Variants in CCDC170 observed in about 807,000 individuals in gnomAD.
CCDC170 encodes coiled-coil domain containing 170.
CCDC170 carries 69 observed loss-of-function variants against 72.6 expected under a neutral mutation model. That is an observed-to-expected ratio of 0.95 (90% confidence interval 0.78 to 1.16). CCDC170 has a LOEUF of 1.16. Ranked by LOEUF, CCDC170 falls within the 50% of genes most tolerant of loss-of-function variation. The pLI is 0.00. For missense variants in CCDC170, 852 were observed against 832.5 expected (o/e 1.02, Z -0.29); for synonymous variants, 300 against 303.9 (o/e 0.99, Z 0.13).
At chr6:151,553,409 A>G (rs78258746) in intron 5 of CCDC170, among the ~76,000 whole-genome samples, 12,558 of 152,240 alleles carry the variant, frequency 0.082, 588 homozygotes, top group Non-Finnish European at 0.11. Flanking sequence ...AAATAGCCAT[A>G]CAAATGTCCT....
In CCDC170 at chr6:151,536,475, A is replaced by G. The variant is rs200830022; in HGVS notation, c.186+29A>G. 3.5e-4 allele frequency: 561 copies of G among 1,611,386 alleles called. 2 individuals are homozygous for G. The African/African-American group carries it at 6.8e-3, about 20-fold the overall frequency. Reference sequence around the variant, plus strand: ...AGATAATGCATTTCCAGCACTCAGAAATGGGCCTTCTTAGCTTCTTATAAA... The same window carrying G: ...AGATAATGCATTTCCAGCACTCAGAGATGGGCCTTCTTAGCTTCTTATAAA... On this transcript the variant is annotated intron_variant, in intron 2 of 10. Coordinates refer to ENST00000239374, the MANE Select transcript of CCDC170 (RefSeq NM_025059.4).
chr6:151,540,527 A>G lies in CCDC170; in HGVS notation c.443+2226A>G, dbSNP rs558828253. Among the ~76,000 whole-genome samples the G allele has an allele frequency of 2.0e-3, 302 of 151,476 alleles. 4 individuals carry two copies. The highest frequency in any genetic ancestry group is 3.3e-3 in the Non-Finnish European group (227 of 67,838). Reference sequence around the variant, plus strand: ...CAGCCTCCCAAGTAGCTGGGATTATAGGTGTGCATCACCATGCCCAGTTAA... The same window carrying G: ...CAGCCTCCCAAGTAGCTGGGATTATGGGTGTGCATCACCATGCCCAGTTAA... On this transcript the variant is annotated intron_variant, in intron 3 of 10. Coordinates refer to ENST00000239374, the MANE Select transcript of CCDC170 (RefSeq NM_025059.4).
chr6:151,499,761 AACATGT>A (rs1245047063), intron 1 of CCDC170, among the ~76,000 whole-genome samples: 1 of 149,618 alleles, frequency 6.7e-6, no homozygotes, highest in East Asian at 1.9e-4. Flanking sequence ...TTCATGATGT[AACATGT>A]ATCAGAATTT....
intron 5 of CCDC170, among the ~76,000 whole-genome samples, chr6:151,556,902 A>C (rs1299671684): frequency 6.6e-6 from 1 of 152,034 alleles, no homozygotes; most frequent in Non-Finnish European, 1.5e-5. Flanking sequence ...TACCCTTCCC[A>C]GCCTCTGGAA....
At chr6:151,613,685 C>A (rs1345489208) in intron 9 of CCDC170, among the ~76,000 whole-genome samples, 1 of 152,266 alleles carries the variant, frequency 6.6e-6, no homozygotes, top group Non-Finnish European at 1.5e-5. Context: ...TTCTTTTTTA[C>A]TGCTGAATGA....
intron 9 of CCDC170, 79 bp downstream of exon 9, chr6:151,596,656 C>A (rs117136962): frequency 2.6e-5 from 40 of 1,539,376 alleles, no homozygotes; most frequent in Admixed American, 4.1e-5. Flanking sequence ...ACAGCTTTAT[C>A]GGGACACGCC....
At chr6:151,526,180 T>A (rs1782407338) in intron 1 of CCDC170, among the ~76,000 whole-genome samples, 1 of 145,580 alleles carries the variant, frequency 6.9e-6, no homozygotes, top group Non-Finnish European at 1.5e-5. Context: ...TCTCTCTCTC[T>A]CTCCTCTCTC....
chr6:151,510,266 A>G (rs1341568776), intron 1 of CCDC170, among the ~76,000 whole-genome samples: 1 of 152,162 alleles, frequency 6.6e-6, no homozygotes, highest in African/African-American at 2.4e-5. Context: ...ACTGATACTC[A>G]GTCACTGGGG....
chr6:151,520,269 G>A lies in CCDC170; in HGVS notation c.58-16049G>A, dbSNP rs910823137. 1.2e-4 allele frequency among the ~76,000 whole-genome samples: 19 copies of A among 152,376 alleles called. No individual in the cohort carries two copies. The East Asian group carries it at 1.7e-3, about 14-fold the overall frequency. On this transcript the variant is annotated intron_variant, in intron 1 of 10. Transcript: ENST00000239374. ...CCAGGAGGGAGAAACAGGGGTTGCT[G>A]TGAGAGGAGAACTGAAAGACAGAAA... is the stretch of plus-strand genomic sequence containing the variant.
At chr6:151,603,790 C>G (rs1446836391) in intron 9 of CCDC170, among the ~76,000 whole-genome samples, 1 of 152,142 alleles carries the variant, frequency 6.6e-6, no homozygotes, top group Non-Finnish European at 1.5e-5. Context: ...CAGCTTCACT[C>G]TAGTCATCAG....
chr6:151,521,486 T>C (rs1392302669), intron 1 of CCDC170, among the ~76,000 whole-genome samples: 1 of 152,182 alleles, frequency 6.6e-6, no homozygotes, highest in East Asian at 1.9e-4. Flanking sequence ...CCATCTTGGA[T>C]AGGGATTGGG....
At chr6:151,570,032 A>G (rs894075001) in intron 5 of CCDC170, among the ~76,000 whole-genome samples, 8 of 152,314 alleles carry the variant, frequency 5.3e-5, no homozygotes, top group Admixed American at 2.0e-4. Flanking sequence ...GATTTGTTAG[A>G]GAGGATTGTT....
rs185835770 is a variant in CCDC170, at chr6:151,494,378, A to C, written c.57+193A>C. On this transcript the variant is annotated intron_variant, in intron 1 of 10. Transcript: ENST00000239374. The stretch of plus-strand genomic sequence containing the variant: ...TTCAGGAGGGGATGGGCAGGACCGG[A>C]GTTTGCGGAGCGCGTCTGAATTTTA... Among the ~76,000 whole-genome samples, 258 of 152,210 alleles carry C rather than the reference A, an allele frequency of 1.7e-3. 2 individuals are homozygous for C. The East Asian group carries it at 0.04, about 24-fold the overall frequency.
chr6:151,551,402 T>C (rs7743146), intron 5 of CCDC170, among the ~76,000 whole-genome samples: 137,658 of 152,288 alleles, frequency 0.9, 62,365 homozygotes, highest in East Asian at 1. Context: ...TTCAAGCACA[T>C]ACATTTTTTT....
chr6:151,581,271 C>T (rs986096013), intron 6 of CCDC170, among the ~76,000 whole-genome samples: 1 of 152,208 alleles, frequency 6.6e-6, no homozygotes, highest in African/African-American at 2.4e-5. Flanking sequence ...TCAATCCTCT[C>T]AAACCTTGCT....
At chr6:151,541,564 G>A (rs1782690896) in intron 3 of CCDC170, among the ~76,000 whole-genome samples, 1 of 151,802 alleles carries the variant, frequency 6.6e-6, no homozygotes, top group Non-Finnish European at 1.5e-5. Context: ...CACCTTTAAT[G>A]GGGCTTGGTG....
chr6:151,508,329 G>A (rs1304359148), intron 1 of CCDC170, among the ~76,000 whole-genome samples: 1 of 152,122 alleles, frequency 6.6e-6, no homozygotes, highest in Non-Finnish European at 1.5e-5. Flanking sequence ...CCTGAGGTCA[G>A]GAGTTTGAGT....
intron 1 of CCDC170, among the ~76,000 whole-genome samples, chr6:151,518,040 G>A (rs57987699): frequency 0.066 from 10,077 of 151,890 alleles, 531 homozygotes; most frequent in East Asian, 0.21. Context: ...AAGATTATAC[G>A]AAACACTAGC....
rs1562302452 is a variant in CCDC170, at chr6:151,618,411, G to C, written c.*264G>C. ...ATTGCATGAGTTAGATTGGGAAATG[G>C]GAGTGGGAGATAATATTGGGAGGTA... On this transcript the variant is annotated 3_prime_UTR_variant, in exon 11 of 11. Transcript: ENST00000239374. The C allele has an allele frequency of 6.5e-6, 3 of 463,830 alleles. No homozygotes were observed. The highest frequency in any genetic ancestry group is 1.2e-5 in the Non-Finnish European group (3 of 260,240). The allele number at this position is 463,830 out of a possible 1,614,324, so 28.7% of individuals were successfully genotyped here. A position where few individuals can be genotyped will look rare whatever the true frequency, so the allele number is the denominator to read the frequency against.
Sources: gnomAD v4.1 joint callset for allele counts (sites outside exome capture counted in the v4.1 genomes callset) on GRCh38, gnomAD v4.1.1 for gene constraint, MANE v1.5 for transcripts, NCBI Gene and HGNC (gene_info 2026-07-23, HGNC 2026-07-21) for gene names.